Variants in ATG7 observed in about 807,000 individuals in gnomAD.
ATG7 encodes the protein autophagy related 7, also known as ubiquitin-like modifier-activating enzyme ATG7.
A neutral mutation model predicts 82.4 loss-of-function variants in ATG7; 70 were observed. That is an observed-to-expected ratio of 0.85 (90% confidence interval 0.70 to 1.04). The LOEUF (loss-of-function observed/expected upper bound fraction) is 1.04, where lower values mean the gene tolerates loss of function less well. Among genes scored for constraint, ATG7 ranks in the 50% least tolerant of loss-of-function variants. The pLI is 0.00. For missense variants in ATG7, 792 were observed against 864.3 expected (o/e 0.92, Z 1.05); for synonymous variants, 287 against 313.0 (o/e 0.92, Z 0.88).
intron 19 of ATG7, among the ~76,000 whole-genome samples, chr3:11,383,680 C>T (rs1239191591): frequency 1.3e-5 from 2 of 152,162 alleles, no homozygotes; most frequent in African/African-American, 4.8e-5. Flanking sequence ...TAACTGCTGA[C>T]CTCGTGATCC....
At chr3:11,423,896 C>T (rs1007298788) in intron 19 of ATG7, among the ~76,000 whole-genome samples, 1 of 152,086 alleles carries the variant, frequency 6.6e-6, no homozygotes, top group Non-Finnish European at 1.5e-5. Flanking sequence ...TCTTTTCTCC[C>T]CAAATTTGTA....
At chr3:11,571,551 G>C in the ATG7 span, among the ~76,000 whole-genome samples, 1 of 151,734 alleles carries the variant, frequency 6.6e-6, no homozygotes, top group Non-Finnish European at 1.5e-5. Flanking sequence ...GGGCATGGTA[G>C]CGCCTGTAAT....
chr3:11,364,830 C>A, intron 18 of ATG7, 96 bp downstream of exon 18: 1 of 1,294,350 alleles, frequency 7.7e-7, no homozygotes, highest in South Asian at 1.3e-5. Flanking sequence ...CACTTCATAT[C>A]CACCCTACTT....
chr3:11,384,755 GTT>G (rs1336524029), intron 19 of ATG7, among the ~76,000 whole-genome samples: 1 of 152,034 alleles, frequency 6.6e-6, no homozygotes, highest in Non-Finnish European at 1.5e-5. Flanking sequence ...GAGCCTAAGA[GTT>G]TGAGACCAGC....
At chr3:11,552,604 C>T (rs2071912997) in intron 20 of ATG7, among the ~76,000 whole-genome samples, 2 of 152,200 alleles carry the variant, frequency 1.3e-5, no homozygotes, top group Admixed American at 6.5e-5. Context: ...GGGACGAAGC[C>T]AGTGGAGAGC....
intron 18 of ATG7, among the ~76,000 whole-genome samples, chr3:11,374,334 A>G (rs551517890): frequency 6.6e-6 from 1 of 152,384 alleles, no homozygotes; most frequent in South Asian, 2.1e-4. Flanking sequence ...CAATTGGGAA[A>G]GAATGCCGTT....
At chr3:11,463,853 A>G (rs181597897) in intron 20 of ATG7, among the ~76,000 whole-genome samples, 12 of 152,230 alleles carry the variant, frequency 7.9e-5, no homozygotes, top group African/African-American at 2.9e-4. Context: ...TCTCTTGCTC[A>G]TTTTGGGACC....
intron 19 of ATG7, among the ~76,000 whole-genome samples, chr3:11,416,493 G>A (rs551006041): frequency 7.2e-5 from 11 of 152,062 alleles, no homozygotes; most frequent in Non-Finnish European, 7.4e-5. Flanking sequence ...TTCTAGATAC[G>A]GAGTTGTTGA....
chr3:11,289,741 G>A (rs1473144497), intron 3 of ATG7, among the ~76,000 whole-genome samples: 1 of 152,044 alleles, frequency 6.6e-6, no homozygotes, highest in African/African-American at 2.4e-5. Flanking sequence ...AACTTTTTTT[G>A]TAGAAATGGG....
chr3:11,511,914 C>T (rs1278901021), intron 20 of ATG7, among the ~76,000 whole-genome samples: 9 of 152,212 alleles, frequency 5.9e-5, no homozygotes, highest in Non-Finnish European at 1.0e-4. Flanking sequence ...AAGCCCACAC[C>T]CACCCAGAAC....
chr3:11,474,417 T>C (rs2087890845), intron 20 of ATG7, among the ~76,000 whole-genome samples: 1 of 152,154 alleles, frequency 6.6e-6, no homozygotes, highest in Non-Finnish European at 1.5e-5. Context: ...CTGGGCAACA[T>C]GGTGAGACTC....
At chr3:11,330,747 A>C (rs1951528473) in intron 9 of ATG7, among the ~76,000 whole-genome samples, 1 of 152,254 alleles carries the variant, frequency 6.6e-6, no homozygotes, top group Non-Finnish European at 1.5e-5. Flanking sequence ...CAGCAAGGAC[A>C]GGCCAACTAC....
At chr3:11,518,441 G>A (rs2124891953) in intron 20 of ATG7, among the ~76,000 whole-genome samples, 1 of 152,192 alleles carries the variant, frequency 6.6e-6, no homozygotes, top group East Asian at 1.9e-4. Flanking sequence ...CAGCTACTTG[G>A]GAGGCTGAGG....
chr3:11,516,790 T>G (rs934737679), intron 20 of ATG7, among the ~76,000 whole-genome samples: 3 of 152,310 alleles, frequency 2.0e-5, no homozygotes, highest in African/African-American at 7.2e-5. Flanking sequence ...TAAATGCATA[T>G]TACTAAATGA....
chr3:11,514,329 A>T (rs1055231878), intron 20 of ATG7, among the ~76,000 whole-genome samples: 5 of 152,180 alleles, frequency 3.3e-5, no homozygotes, highest in Admixed American at 3.3e-4. Flanking sequence ...AGCATAATTA[A>T]CTTTGAAGAT....
At chr3:11,361,725 C>T (rs1325676178) in intron 16 of ATG7, among the ~76,000 whole-genome samples, 1 of 152,144 alleles carries the variant, frequency 6.6e-6, no homozygotes, top group East Asian at 1.9e-4. Context: ...AGAATACCTG[C>T]CCTGTCAACT....
At chr3:11,344,951 A>G (rs1014649790) in intron 13 of ATG7, among the ~76,000 whole-genome samples, 1 of 152,194 alleles carries the variant, frequency 6.6e-6, no homozygotes, top group Non-Finnish European at 1.5e-5. Flanking sequence ...TCCTTGTTCT[A>G]TCTTTGTATA....
At chr3:11,469,322 G>A (rs765019292) in intron 20 of ATG7, among the ~76,000 whole-genome samples, 10 of 152,128 alleles carry the variant, frequency 6.6e-5, no homozygotes, top group Non-Finnish European at 1.2e-4. Flanking sequence ...AGTGGCGCAT[G>A]CCTGTGATCC....
chr3:11,524,848 C>T (rs2092533706), intron 20 of ATG7, among the ~76,000 whole-genome samples: 1 of 152,082 alleles, frequency 6.6e-6, no homozygotes, highest in African/African-American at 2.4e-5. Context: ...AGCAGATCCC[C>T]ATTGTCCTGT....
Sources: gnomAD v4.1 joint callset for allele counts (sites outside exome capture counted in the v4.1 genomes callset) on GRCh38, gnomAD v4.1.1 for gene constraint, MANE v1.5 for transcripts, NCBI Gene and HGNC (gene_info 2026-07-23, HGNC 2026-07-21) for gene names.